The following KIAA0513 variants were observed in gnomAD, a reference collection of about 807,000 sequenced individuals.
The protein encoded by KIAA0513 is uncharacterized protein KIAA0513.
A neutral mutation model predicts 56.5 loss-of-function variants in KIAA0513; 39 were observed. The observed-to-expected ratio is 0.69, with a 90% CI of 0.53 to 0.90. KIAA0513 has a LOEUF of 0.90. Ranked by LOEUF, KIAA0513 falls within the 40% of genes least tolerant of loss-of-function variation. The pLI is 0.00. For missense variants in KIAA0513, 591 were observed against 535.2 expected (o/e 1.10, Z -1.03); for synonymous variants, 268 against 215.6 (o/e 1.24, Z -2.13).
At chr16:85,043,014 T>C (rs1260546654) in intron 1 of KIAA0513, among the ~76,000 whole-genome samples, 1 of 152,252 alleles carries the variant, frequency 6.6e-6, no homozygotes, top group East Asian at 1.9e-4. Context: ...TCTTTATTTT[T>C]AACAACTACG....
At chr16:85,034,555 C>T (rs2073009274) in intron 1 of KIAA0513, among the ~76,000 whole-genome samples, 1 of 152,142 alleles carries the variant, frequency 6.6e-6, no homozygotes, top group Non-Finnish European at 1.5e-5. Flanking sequence ...TTAGACTTCA[C>T]TCGGTAGGGT....
chr16:85,052,234 C>T (rs1470424389), intron 1 of KIAA0513, among the ~76,000 whole-genome samples: 2 of 152,190 alleles, frequency 1.3e-5, no homozygotes, highest in East Asian at 2.0e-4. Flanking sequence ...GAAGGAGAAT[C>T]GCTTGAACCC....
chr16:85,092,792 C>G lies in KIAA0513; in HGVS notation c.*4467C>G, dbSNP rs2073882737. 6.6e-6 allele frequency: 1 copy of G among 152,306 alleles called. No homozygotes were observed. Among genetic ancestry groups the G allele is most frequent in the African/African-American group, 2.4e-5 (1 of 41,450 alleles). 9.4% of individuals were successfully genotyped at this position (152,306 alleles called of 1,614,324 possible). Reference sequence around the variant, plus strand: ...CCCGCCTGGCTCGCACAGGCTAAGACCACAGACAGAGCAGGGCTTCCCGGA... The same window carrying G: ...CCCGCCTGGCTCGCACAGGCTAAGAGCACAGACAGAGCAGGGCTTCCCGGA... On this transcript the variant is annotated 3_prime_UTR_variant, in exon 13 of 13. Transcript: ENST00000683363.
intron 4 of KIAA0513, among the ~76,000 whole-genome samples, chr16:85,074,726 C>T (rs1005161415): frequency 6.6e-5 from 10 of 152,306 alleles, no homozygotes; most frequent in South Asian, 6.2e-4. Flanking sequence ...GCCAAGAGGG[C>T]GGTGGTTTAA....
Position 85,090,781 on chromosome 16 carries a change from C to G in KIAA0513, c.*2456C>G, listed in dbSNP as rs2073859887. ...AGCAGGCAGTGGCTCTGGAGGCTGC[C>G]TGTGGTCTCCTTCCGGCTGTGGCTG... On this transcript the variant is annotated 3_prime_UTR_variant, in exon 13 of 13. Coordinates refer to ENST00000683363, the MANE Select transcript of KIAA0513 (RefSeq NM_001388359.1). The G allele has an allele frequency of 6.6e-6, 1 of 152,630 alleles. No individual in the cohort carries two copies. The highest frequency in any genetic ancestry group is 1.5e-5 in the Non-Finnish European group (1 of 68,364). The allele number at this position is 152,630 out of a possible 1,614,324, so 9.5% of individuals were successfully genotyped here.
At chr16:85,032,359 A>T (rs560096116) in intron 1 of KIAA0513, among the ~76,000 whole-genome samples, 1 of 152,316 alleles carries the variant, frequency 6.6e-6, no homozygotes, top group South Asian at 2.1e-4. Flanking sequence ...TTTTCTTGAG[A>T]CAGAGTCTCT....
At chr16:85,041,550 G>C (rs912452143) in intron 1 of KIAA0513, among the ~76,000 whole-genome samples, 2 of 152,206 alleles carry the variant, frequency 1.3e-5, no homozygotes, top group African/African-American at 4.8e-5. Context: ...CAGTTCCAGT[G>C]CTTGATAGGG....
intron 2 of KIAA0513, among the ~76,000 whole-genome samples, chr16:85,067,681 C>T (rs962451493): frequency 3.3e-5 from 5 of 152,234 alleles, no homozygotes; most frequent in African/African-American, 4.8e-5. Flanking sequence ...GTGCGGCTCC[C>T]AGGTGATTTG....
At chr16:85,032,300 A>C (rs1008508502) in intron 1 of KIAA0513, among the ~76,000 whole-genome samples, 5 of 152,236 alleles carry the variant, frequency 3.3e-5, no homozygotes, top group African/African-American at 1.2e-4. Context: ...TTAAAAGGGC[A>C]CCAGTCGGAT....
At chr16:85,047,003 T>C (rs2143897102) in intron 1 of KIAA0513, among the ~76,000 whole-genome samples, 1 of 152,330 alleles carries the variant, frequency 6.6e-6, no homozygotes, top group East Asian at 1.9e-4. Flanking sequence ...TGGTTCTGGA[T>C]TGGTCCTGAA....
intron 1 of KIAA0513, among the ~76,000 whole-genome samples, chr16:85,063,851 G>A (rs970393971): frequency 2.6e-5 from 4 of 151,900 alleles, no homozygotes; most frequent in African/African-American, 9.7e-5. Context: ...CTGAACAGGG[G>A]GTGGCAAGCA....
At position 85,087,053 on chromosome 16, in the gene KIAA0513, C is replaced by G; in HGVS notation, c.1092-19C>G. ...CCCTGGGAGGCCAGCGGGTGACGCT[C>G]TTGGGGTTTCTCCTGCAGCACATTC... On this transcript the variant is annotated intron_variant, in intron 11 of 12. Coordinates refer to ENST00000683363, the MANE Select transcript of KIAA0513 (RefSeq NM_001388359.1). 6.2e-7 allele frequency: 1 copy of G among 1,612,996 alleles called. No homozygotes were observed. Among genetic ancestry groups the G allele is most frequent in the Non-Finnish European group, 8.5e-7 (1 of 1,179,004 alleles).
chr16:85,038,593 A>T (rs1346748043), intron 1 of KIAA0513, among the ~76,000 whole-genome samples: 1 of 151,846 alleles, frequency 6.6e-6, no homozygotes, highest in African/African-American at 2.4e-5. Context: ...CTGTAATCCC[A>T]GCTACACGGG....
rs1279444456 is a variant in KIAA0513, at chr16:85,088,576, AC to A, written c.*255del. 1 of 513,906 alleles carries A rather than the reference AC, an allele frequency of 1.9e-6. No individual in the cohort carries two copies. The highest frequency in any genetic ancestry group is 3.5e-6 in the Non-Finnish European group (1 of 284,888). The allele number at this position is 513,906 out of a possible 1,614,324, so 31.8% of individuals were successfully genotyped here. Reference sequence around the variant, plus strand: ...AGCTAAAGCCGAGGTGACCAGTTGTACCCCGAGTGCCAGGCTTGTGAGATGA... The same window carrying A: ...AGCTAAAGCCGAGGTGACCAGTTGTACCCGAGTGCCAGGCTTGTGAGATGA... On this transcript the variant is annotated 3_prime_UTR_variant, in exon 13 of 13. Coordinates refer to ENST00000683363, the MANE Select transcript of KIAA0513 (RefSeq NM_001388359.1).
chr16:85,029,522 C>T (rs186676176), intron 1 of KIAA0513, among the ~76,000 whole-genome samples: 3 of 152,362 alleles, frequency 2.0e-5, no homozygotes, highest in Non-Finnish European at 2.9e-5. Context: ...ACAATAACTG[C>T]TTCTTCAAAG....
chr16:85,035,914 G>C (rs1301666658), intron 1 of KIAA0513, among the ~76,000 whole-genome samples: 1 of 150,812 alleles, frequency 6.6e-6, no homozygotes, highest in Non-Finnish European at 1.5e-5. Flanking sequence ...GGGAGGCAGA[G>C]CTTGCAGTGA....
At position 85,075,946 on chromosome 16, in the gene KIAA0513, C is replaced by T. The variant is rs368593001; in HGVS notation, c.574+32C>T. Reference sequence around the variant, plus strand: ...CATGGGTGGGCTGATGTGGGGCTCACCTGAGGCTAGTCTGCTGATAATATG... The same window carrying T: ...CATGGGTGGGCTGATGTGGGGCTCATCTGAGGCTAGTCTGCTGATAATATG... On this transcript the variant is annotated intron_variant, in intron 5 of 12. Transcript: ENST00000683363. The T allele has an allele frequency of 3.7e-5, 56 of 1,522,716 alleles. No homozygotes were observed. The African/African-American group carries it at 7.3e-4, about 20-fold the overall frequency. 94.3% of individuals were successfully genotyped at this position (1,522,716 alleles called of 1,614,324 possible).
chr16:85,066,996 C>A lies in KIAA0513; in HGVS notation c.-76C>A. The A allele has an allele frequency of 1.5e-6, 2 of 1,360,442 alleles. No individual in the cohort carries two copies. The highest frequency in any genetic ancestry group is 1.5e-5 in the African/African-American group (1 of 68,814). The allele number at this position is 1,360,442 out of a possible 1,614,324, so 84.3% of individuals were successfully genotyped here. A position where few individuals can be genotyped will look rare whatever the true frequency, so the allele number is the denominator to read the frequency against. Reference sequence around the variant, plus strand: ...GCTTGGTGGGCTCCTACTAACGCACCTGGGACACCAGGCTGCTGGGCTCCC... The same window carrying A: ...GCTTGGTGGGCTCCTACTAACGCACATGGGACACCAGGCTGCTGGGCTCCC... On this transcript the variant is annotated 5_prime_UTR_variant, in exon 2 of 13. The change creates a new upstream start codon in the 5' untranslated region. Transcript: ENST00000683363.
chr16:85,081,483 C>T lies in KIAA0513; in HGVS notation c.980+91C>T, dbSNP rs749844516. Reference sequence around the variant, plus strand: ...GTTTCGGAAGAGGAGAGCAGAAGAGCAGCTGAGTGGACGTGTCTGTTTTTT... The same window carrying T: ...GTTTCGGAAGAGGAGAGCAGAAGAGTAGCTGAGTGGACGTGTCTGTTTTTT... On this transcript the variant is annotated intron_variant, in intron 9 of 12. Coordinates refer to ENST00000683363, the MANE Select transcript of KIAA0513 (RefSeq NM_001388359.1). This position sits in a 1 kb window ranked among gnomAD's most constrained non-coding sequence, Gnocchi z 4.4. 92 of 1,137,426 alleles carry T rather than the reference C, an allele frequency of 8.1e-5. No homozygotes were observed. In the Middle Eastern group the frequency reaches 1.5e-3, roughly 19 times the overall value. The allele number at this position is 1,137,426 out of a possible 1,614,324, so 70.5% of individuals were successfully genotyped here. A position where few individuals can be genotyped will look rare whatever the true frequency, so the allele number is the denominator to read the frequency against.
Sources: gnomAD v4.1 joint callset for allele counts (sites outside exome capture counted in the v4.1 genomes callset) on GRCh38, gnomAD v4.1.1 for gene constraint, Gnocchi (gnomAD v3.1) non-coding constraint, MANE v1.5 for transcripts, NCBI Gene and HGNC (gene_info 2026-07-23, HGNC 2026-07-21) for gene names.